The following DDX31 variants were observed in gnomAD, a reference collection of about 807,000 sequenced individuals.
DDX31 encodes the protein ATP-dependent DNA helicase DDX31.
A neutral mutation model predicts 91.3 loss-of-function variants in DDX31; 70 were observed. That is an observed-to-expected ratio of 0.77 (90% CI 0.63 to 0.94). The LOEUF (loss-of-function observed/expected upper bound fraction) is 0.94. Among genes scored for constraint, DDX31 ranks in the 40% least tolerant of loss-of-function variants. The pLI is 0.00. For synonymous variants in DDX31, 362 were observed against 350.6 expected, an observed-to-expected ratio of 1.03 and a Z score of -0.36; for missense variants, 902 against 925.0, an observed-to-expected ratio of 0.98 and a Z score of 0.32.
At chr9:132,645,436 C>G (rs989198302) in intron 13 of DDX31, among the ~76,000 whole-genome samples, 5 of 152,184 alleles carry the variant, frequency 3.3e-5, no homozygotes, top group Admixed American at 6.5e-5. Flanking sequence ...TTGACAATGA[C>G]AGCAGCCGTG....
intron 19 of DDX31, among the ~76,000 whole-genome samples, chr9:132,607,322 C>G (rs1005815067): frequency 6.6e-6 from 1 of 152,206 alleles, no homozygotes; most frequent in Non-Finnish European, 1.5e-5. Flanking sequence ...GAGCTACCAG[C>G]TAACATTTGG....
At chr9:132,622,713 C>T (rs541482806) in intron 17 of DDX31, among the ~76,000 whole-genome samples, 69 of 152,336 alleles carry the variant, frequency 4.5e-4, no homozygotes, top group Admixed American at 3.3e-4. Context: ...TGCTAATGTT[C>T]CACTTATTAT....
chr9:132,613,703 C>CTAAAT (rs1392018901), intron 18 of DDX31, among the ~76,000 whole-genome samples: 1 of 152,120 alleles, frequency 6.6e-6, no homozygotes, highest in Admixed American at 6.5e-5. Flanking sequence ...TCAAGGAAAA[C>CTAAAT]TAAATTAAAT....
rs1470817495 is a variant in DDX31 at position 132,669,553 on chromosome 9, G to C, written c.75+307C>G. 2.8e-6 allele frequency: 4 copies of C among 1,439,518 alleles called. No individual in the cohort carries two copies. The South Asian group carries it at 4.9e-5, about 17-fold the overall frequency. 89.2% of individuals were successfully genotyped at this position (1,439,518 alleles called of 1,614,324 possible). On this transcript the variant is annotated intron_variant, in intron 1 of 19. Coordinates refer to ENST00000372159, the MANE Select transcript of DDX31 (RefSeq NM_022779.9). ...TAAGCTTTGGCCTGGGACTTGCGCC[G>C]GAACTTCAGGTCCTACCTTCCACGG... is the stretch of plus-strand genomic sequence containing the variant.
rs1377913098 is a variant in DDX31, at chr9:132,650,292, T to C, written c.682A>G (p.Thr228Ala). 1.9e-6 allele frequency: 3 copies of C among 1,613,996 alleles called. No homozygotes were observed. Among genetic ancestry groups the C allele is most frequent in the South Asian group, 1.1e-5 (1 of 91,078 alleles). The change falls in exon 9 of 20, where the codon ACC becomes GCC. Residue 228 changes from threonine to alanine, a missense_variant. Thr to Ala is a moderately conservative substitution (Grantham distance 58). Transcript: ENST00000372159. ...ATTAACACTCCAGGCACAATCCAGG[T>C]GAAAGGCTACAGAAAGACAGCAGAC... ...DTVQKLLKPFTWIVPGVLMGG... is the reference protein window; with the variant it reads ...DTVQKLLKPFAWIVPGVLMGG...
chr9:132,634,579 TAAG>T (rs1832981223), intron 14 of DDX31, among the ~76,000 whole-genome samples: 2 of 139,238 alleles, frequency 1.4e-5, no homozygotes, highest in Non-Finnish European at 3.1e-5. Flanking sequence ...CAACTGTACC[TAAG>T]ATGTTTTTTT....
intron 8 of DDX31, 33 bp downstream of exon 8, chr9:132,651,042 G>A (rs1309556275): frequency 6.3e-7 from 1 of 1,588,996 alleles, no homozygotes; most frequent in East Asian, 2.2e-5. Context: ...AAGTCAGCAA[G>A]CAAGATGAAA....
chr9:132,599,158 A>G (rs1004275472), intron 19 of DDX31, among the ~76,000 whole-genome samples: 3 of 152,264 alleles, frequency 2.0e-5, no homozygotes, highest in Non-Finnish European at 4.4e-5. Context: ...TACATGACAT[A>G]GGCATTTAAC....
intron 19 of DDX31, among the ~76,000 whole-genome samples, chr9:132,604,200 A>G (rs1830878234): frequency 6.6e-6 from 1 of 152,096 alleles, no homozygotes; most frequent in South Asian, 2.1e-4. Context: ...AGGTGCATGA[A>G]CTCTATAACA....
rs913844563 is a variant in DDX31, at chr9:132,612,225, G to A, written c.1856C>T (p.Thr619Ile). 1.4e-5 allele frequency: 23 copies of A among 1,614,208 alleles called. No individual in the cohort carries two copies. Among genetic ancestry groups the A allele is most frequent in the Non-Finnish European group, 1.9e-5 (22 of 1,180,038 alleles). The part of the protein sequence containing the change: ...ALQSFIQAYA[T>I]YPRELKHIFH... ...GATGTGCTTCAGCTCCCTGGGGTAG[G>A]TGGCGTAGGCTTGGATGAAGGACTG... The change falls in exon 19 of 20, where the codon ACC (threonine) becomes ATC (isoleucine). Residue 619 changes from threonine (T) to isoleucine (I), a missense_variant. By Grantham distance (89) the Thr-to-Ile change is moderately conservative. Transcript: ENST00000372159.
Position 132,625,687 on chromosome 9 carries a change from T to G in DDX31, c.1690A>C (p.Lys564Gln), listed in dbSNP as rs746829421. The G allele has an allele frequency of 3.1e-6, 5 of 1,613,848 alleles. No individual in the cohort carries two copies. The highest frequency in any genetic ancestry group is 4.2e-6 in the Non-Finnish European group (5 of 1,179,968). Residue 564 changes from lysine to glutamine, a missense_variant, in exon 17 of 20, where the codon AAA becomes CAA. Coordinates refer to ENST00000372159, the MANE Select transcript of DDX31 (RefSeq NM_022779.9). ...ACCTGGGCTCCCCATCGTTTCCCTT[T>G]AAAACAATCATCTCTTGTCAGAACA... ...LCVLTRDDCFKGKRWGAQKSH... is the reference protein window; with the variant it reads ...LCVLTRDDCFQGKRWGAQKSH...
chr9:132,669,695 G>A (rs928017349), intron 1 of DDX31, 165 bp downstream of exon 1: 1 of 1,533,930 alleles, frequency 6.5e-7, no homozygotes, highest in Non-Finnish European at 8.7e-7. Flanking sequence ...GTTCCGGTTA[G>A]AGACACGTGT....
chr9:132,602,450 A>G (rs1046150487), intron 19 of DDX31, among the ~76,000 whole-genome samples: 1 of 151,954 alleles, frequency 6.6e-6, no homozygotes, highest in African/African-American at 2.4e-5. Context: ...CACATTCCTT[A>G]CCCTTCCCCA....
Position 132,643,488 on chromosome 9 carries a change from G to A in DDX31, c.1381-1425C>T, listed in dbSNP as rs576046931. Among the ~76,000 whole-genome samples the A allele has an allele frequency of 5.3e-5, 8 of 152,314 alleles. No homozygotes were observed. In the South Asian group the frequency reaches 8.3e-4, roughly 16 times the overall value. ...AGATTTTGTCCATGGCTGGAAGCCCGGGGCACACCTCACTGAGTACACTGG... is the reference window on the plus strand; with the variant it reads ...AGATTTTGTCCATGGCTGGAAGCCCAGGGCACACCTCACTGAGTACACTGG... On this transcript the variant is annotated intron_variant, in intron 13 of 19. Coordinates refer to ENST00000372159, the MANE Select transcript of DDX31 (RefSeq NM_022779.9).
At chr9:132,602,979 C>T (rs963064266) in intron 19 of DDX31, among the ~76,000 whole-genome samples, 1 of 152,154 alleles carries the variant, frequency 6.6e-6, no homozygotes, top group Non-Finnish European at 1.5e-5. Flanking sequence ...CGGCCCTTGG[C>T]TGAGAGTTTG....
At chr9:132,645,104 T>C (rs1422716628) in intron 13 of DDX31, among the ~76,000 whole-genome samples, 1 of 152,206 alleles carries the variant, frequency 6.6e-6, no homozygotes, top group African/African-American at 2.4e-5. Flanking sequence ...TCTTTCACAC[T>C]TTCTAATTTT....
At chr9:132,634,585 G>GTT (rs59296842) in intron 14 of DDX31, among the ~76,000 whole-genome samples, 9,476 of 102,948 alleles carry the variant, frequency 0.092, 515 homozygotes, top group Admixed American at 0.14. Context: ...TACCTAAGAT[G>GTT]TTTTTTTTTT....
intron 18 of DDX31, among the ~76,000 whole-genome samples, chr9:132,615,098 G>T (rs920832670): frequency 1.5e-4 from 23 of 152,154 alleles, no homozygotes; most frequent in Admixed American, 7.2e-4. Context: ...TATTTGGGGT[G>T]ACGGATGAAG....
chr9:132,633,435 A>G (rs575693133), intron 14 of DDX31, among the ~76,000 whole-genome samples: 1 of 151,016 alleles, frequency 6.6e-6, no homozygotes, highest in Non-Finnish European at 1.5e-5. Flanking sequence ...AGCACTATAT[A>G]TAATTTGTAG....
Sources: gnomAD v4.1 joint callset for allele counts (sites outside exome capture counted in the v4.1 genomes callset) on GRCh38, gnomAD v4.1.1 for gene constraint, MANE v1.5 for transcripts, NCBI Gene and HGNC (gene_info 2026-07-23, HGNC 2026-07-21) for gene names.